The following UNC13C variants were observed in gnomAD, a reference collection of about 807,000 sequenced individuals.
UNC13C encodes unc-13 homolog C.
UNC13C carries 174 observed loss-of-function variants against 245.4 expected under a neutral mutation model. That is an observed-to-expected ratio of 0.71 (90% CI 0.63 to 0.80). UNC13C has a LOEUF of 0.80. UNC13C is among the 30% of genes least tolerant of loss of function. The pLI is 0.00. For missense variants in UNC13C, 2,829 were observed against 2,602.9 expected (o/e 1.09, Z -1.89); for synonymous variants, 992 against 895.1 (o/e 1.11, Z -1.93).
chr15:53,844,877 C>A, the UNC13C span, among the ~76,000 whole-genome samples: 28 of 152,096 alleles, frequency 1.8e-4, no homozygotes, highest in Non-Finnish European at 2.4e-4. Context: ...AGAGGTTGGA[C>A]AAGGAGAGAG....
At chr15:54,415,188 T>C in intron 19 of UNC13C, 121 bp downstream of exon 19, 1 of 679,182 alleles carries the variant, frequency 1.5e-6, no homozygotes, top group Non-Finnish European at 2.3e-6. Context: ...ATCAGTTTAG[T>C]TCTAAAACTT....
chr15:54,241,852 C>G (rs1201525766), intron 7 of UNC13C, among the ~76,000 whole-genome samples: 2 of 152,090 alleles, frequency 1.3e-5, no homozygotes, highest in Admixed American at 1.3e-4. Flanking sequence ...ATTTTCCTTT[C>G]CAGGAAGTAC....
chr15:53,918,375 CTT>C, the UNC13C span, among the ~76,000 whole-genome samples: 1 of 152,020 alleles, frequency 6.6e-6, no homozygotes, highest in Non-Finnish European at 1.5e-5. Flanking sequence ...TTCTCACTCT[CTT>C]ATCACAAGTC....
chr15:54,310,975 C>A (rs1396878693), intron 13 of UNC13C, among the ~76,000 whole-genome samples: 1 of 151,540 alleles, frequency 6.6e-6, no homozygotes, highest in Admixed American at 6.6e-5. Flanking sequence ...CATCAATTGC[C>A]TAATCATTTA....
rs117645374 is a variant in UNC13C, at chr15:54,623,094, G to A, written c.6199+675G>A. Among the ~76,000 whole-genome samples the A allele has an allele frequency of 1.2e-3, 175 of 152,168 alleles. 3 individuals carry two copies. The East Asian group carries it at 0.028, about 24-fold the overall frequency. Reference sequence around the variant, plus strand: ...AATATTTTTGAAAAATGTTGCCAACGTGTGAAAGTTTAATGAATATTTTGC... The same window carrying A: ...AATATTTTTGAAAAATGTTGCCAACATGTGAAAGTTTAATGAATATTTTGC... On this transcript the variant is annotated intron_variant, in intron 31 of 32. Transcript: ENST00000260323.
intron 19 of UNC13C, among the ~76,000 whole-genome samples, chr15:54,440,969 G>A (rs1294025821): frequency 6.6e-6 from 1 of 151,914 alleles, no homozygotes; most frequent in East Asian, 1.9e-4. Context: ...TTTGATAAAT[G>A]TCTATTCATG....
intron 23 of UNC13C, among the ~76,000 whole-genome samples, chr15:54,507,433 C>T (rs937950828): frequency 4.0e-5 from 6 of 151,884 alleles, no homozygotes; most frequent in South Asian, 2.1e-4. Flanking sequence ...AGATAAGGAA[C>T]AAGACTAGAA....
At chr15:54,332,223 A>C in intron 15 of UNC13C, 112 bp downstream of exon 15, 2 of 718,410 alleles carry the variant, frequency 2.8e-6, no homozygotes, top group Non-Finnish European at 4.5e-6. Context: ...TATTGATCTC[A>C]GGTGCTGTTA....
At chr15:53,988,764 G>T (rs1894256591) in intron 1 of UNC13C, among the ~76,000 whole-genome samples, 1 of 151,902 alleles carries the variant, frequency 6.6e-6, no homozygotes, top group African/African-American at 2.4e-5. Context: ...TCTACTGTTT[G>T]TTGAAATTGC....
chr15:54,332,254 G>T (rs1327956348), intron 15 of UNC13C, 143 bp downstream of exon 15: 4 of 592,342 alleles, frequency 6.8e-6, no homozygotes, highest in African/African-American at 5.8e-5. Flanking sequence ...TAATCCAGCA[G>T]GTCTCCTTTT....
chr15:53,971,261 A>G, the UNC13C span, among the ~76,000 whole-genome samples: 1 of 152,242 alleles, frequency 6.6e-6, no homozygotes, highest in Non-Finnish European at 1.5e-5. Context: ...AATGAGTGAC[A>G]TTGGATGCTT....
At chr15:53,867,622 C>T in the UNC13C span, among the ~76,000 whole-genome samples, 1 of 152,098 alleles carries the variant, frequency 6.6e-6, no homozygotes, top group East Asian at 1.9e-4. Flanking sequence ...GATAGGATTG[C>T]GGGGGCAGGG....
At chr15:54,184,514 AG>A (rs2033907922) in intron 4 of UNC13C, among the ~76,000 whole-genome samples, 1 of 151,652 alleles carries the variant, frequency 6.6e-6, no homozygotes, top group Non-Finnish European at 1.5e-5. Flanking sequence ...GAGAACATGC[AG>A]TGTTTGGTTT....
At position 54,475,905 on chromosome 15, in the gene UNC13C, C is replaced by G. The variant is rs928418452; in HGVS notation, c.4934-18703C>G. On this transcript the variant is annotated intron_variant, in intron 19 of 32. Transcript: ENST00000260323. ...CACACTGACTTCCACAATGGTTGAACTAGTTTACAGTCCCACCAACAGTGT... is the reference window on the plus strand; with the variant it reads ...CACACTGACTTCCACAATGGTTGAAGTAGTTTACAGTCCCACCAACAGTGT... Among the ~76,000 whole-genome samples the G allele has an allele frequency of 3.1e-3, 343 of 110,624 alleles. 22 individuals carry two copies. The highest frequency in any genetic ancestry group is 7.9e-3 in the Admixed American group (86 of 10,846). 72.6% of individuals were successfully genotyped at this position (110,624 alleles called of 152,430 possible).
intron 2 of UNC13C, among the ~76,000 whole-genome samples, chr15:54,060,924 A>T (rs1394141551): frequency 6.6e-6 from 1 of 152,058 alleles, no homozygotes; most frequent in African/African-American, 2.4e-5. Context: ...CAAAGAGAAC[A>T]CATGGACACA....
At chr15:54,243,313 C>A (rs12438223) in intron 7 of UNC13C, among the ~76,000 whole-genome samples, 30,721 of 151,996 alleles carry the variant, frequency 0.2, 3,305 homozygotes, top group African/African-American at 0.27. Flanking sequence ...AGGACATGAT[C>A]TAATTCCTTT....
the UNC13C span, among the ~76,000 whole-genome samples, chr15:53,877,232 A>G: frequency 6.6e-6 from 1 of 152,216 alleles, no homozygotes; most frequent in East Asian, 1.9e-4. Context: ...ATGCAAAAGC[A>G]CATCAGTGTT....
chr15:54,058,200 C>G (rs1292631935), intron 2 of UNC13C, among the ~76,000 whole-genome samples: 1 of 151,840 alleles, frequency 6.6e-6, no homozygotes, highest in African/African-American at 2.4e-5. Flanking sequence ...ATCAACAAAA[C>G]TGATAGACAA....
intron 30 of UNC13C, among the ~76,000 whole-genome samples, chr15:54,598,923 T>C (rs982616992): frequency 6.6e-6 from 1 of 152,172 alleles, no homozygotes; most frequent in African/African-American, 2.4e-5. Context: ...TTTATTTCTG[T>C]AACCTTGGCA....
Sources: allele counts gnomAD v4.1 joint callset (sites outside exome capture counted in the v4.1 genomes callset), GRCh38; gene constraint gnomAD v4.1.1; transcripts MANE v1.5; gene names NCBI Gene and HGNC (gene_info 2026-07-23, HGNC 2026-07-21).